IL1RAPL1: variants seen among roughly 807,000 people sequenced by gnomAD.
IL1RAPL1 encodes interleukin 1 receptor accessory protein like 1, also known as interleukin-1 receptor accessory protein-like 1.
In IL1RAPL1, 3 loss-of-function variants were observed where a neutral mutation model predicts 48.4. That is an observed-to-expected ratio of 0.06 (90% CI 0.03 to 0.16). The LOEUF (loss-of-function observed/expected upper bound fraction) is 0.16, where lower values mean the gene tolerates loss of function less well. Among genes scored for constraint, IL1RAPL1 ranks in the 10% least tolerant of loss-of-function variants. The pLI is 1.00. For missense variants in IL1RAPL1, 349 were observed against 530.6 expected (o/e 0.66, Z 3.36); for synonymous variants, 185 against 187.7 (o/e 0.99, Z 0.12).
chrX:29,795,493 C>G (rs1929721773), intron 6 of IL1RAPL1, among the ~76,000 whole-genome samples: 1 of 112,266 alleles, frequency 8.9e-6, no homozygotes, highest in African/African-American at 3.2e-5. Context: ...TCACTGTAGA[C>G]TCAACCTCCT....
intron 5 of IL1RAPL1, among the ~76,000 whole-genome samples, chrX:29,605,071 AACACAC>A (rs757087732): frequency 0.17 from 11,087 of 64,864 alleles, 870 homozygotes; most frequent in South Asian, 0.29. Context: ...CTAAGTCTTA[AACACAC>A]ACACACACAC....
rs766019882 is a variant in IL1RAPL1, at chrX:29,949,728, G to A, written c.1202-4794G>A. ...TTTTGTTTTTCATGGTTATAAAGAT[G>A]TCAGCTTTTCAAAGTTTCACCAGTC... On this transcript the variant is annotated intron_variant, in intron 9 of 10. Coordinates refer to ENST00000378993, the MANE Select transcript of IL1RAPL1 (RefSeq NM_014271.4). 5.4e-5 allele frequency among the ~76,000 whole-genome samples: 6 copies of A among 111,920 alleles called. No homozygotes were observed. The East Asian group carries it at 1.7e-3, about 31-fold the overall frequency.
At chrX:28,874,724 A>T (rs1187352051) in intron 2 of IL1RAPL1, among the ~76,000 whole-genome samples, 1 of 112,381 alleles carries the variant, frequency 8.9e-6, no homozygotes, top group Non-Finnish European at 1.9e-5. Context: ...TTCTCATTTC[A>T]TGCTTTCATT....
intron 2 of IL1RAPL1, among the ~76,000 whole-genome samples, chrX:29,208,529 G>A (rs1157100779): frequency 4.6e-5 from 5 of 108,888 alleles, no homozygotes; most frequent in African/African-American, 1.7e-4. Context: ...GGCTAACACG[G>A]TGAAACTCCA....
intron 5 of IL1RAPL1, among the ~76,000 whole-genome samples, chrX:29,414,360 T>A (rs1441724672): frequency 1.8e-5 from 2 of 112,146 alleles, no homozygotes; most frequent in Non-Finnish European, 3.8e-5. Flanking sequence ...ATCTTATATA[T>A]CTTACCACAC....
chrX:29,107,091 A>G (rs1928463319), intron 2 of IL1RAPL1, among the ~76,000 whole-genome samples: 1 of 112,163 alleles, frequency 8.9e-6, no homozygotes, highest in African/African-American at 3.2e-5. Context: ...TAAGTTCTAA[A>G]TGAATTTTTC....
intron 2 of IL1RAPL1, among the ~76,000 whole-genome samples, chrX:29,257,156 C>T (rs138835041): frequency 0.011 from 1,260 of 111,493 alleles, 8 homozygotes; most frequent in Middle Eastern, 0.023. Context: ...CAAACACATT[C>T]ATTTCATTTT....
At position 29,046,766 on chromosome X, in the gene IL1RAPL1, A is replaced by G. The variant is rs752032434; in HGVS notation, c.83-236172A>G. 8.9e-5 allele frequency among the ~76,000 whole-genome samples: 10 copies of G among 111,998 alleles called. No individual in the cohort carries two copies. The East Asian group carries it at 2.0e-3, about 22-fold the overall frequency. On this transcript the variant is annotated intron_variant, in intron 2 of 10. Transcript: ENST00000378993. ...TCTGGAGCATGGCAATTACAGCATC[A>G]TTGATTTCGATTGTCCTAAAATGGA... is the stretch of plus-strand genomic sequence containing the variant.
intron 8 of IL1RAPL1, among the ~76,000 whole-genome samples, chrX:29,938,196 A>G (rs1233251121): frequency 8.9e-6 from 1 of 111,923 alleles, no homozygotes; most frequent in Admixed American, 9.5e-5. Context: ...AGAAGGACTT[A>G]TTTTCATACA....
intron 3 of IL1RAPL1, among the ~76,000 whole-genome samples, chrX:29,379,212 C>T (rs1933662546): frequency 8.9e-6 from 1 of 112,527 alleles, no homozygotes; most frequent in African/African-American, 3.2e-5. Context: ...AGCAAAGCAT[C>T]CAGGCTGGGC....
intron 2 of IL1RAPL1, among the ~76,000 whole-genome samples, chrX:28,965,413 G>A (rs1335058482): frequency 1.8e-5 from 2 of 111,025 alleles, no homozygotes; most frequent in Non-Finnish European, 3.8e-5. Flanking sequence ...CAACATTAAA[G>A]GTCTGAAAAA....
chrX:29,769,427 GT>G (rs749403144), intron 6 of IL1RAPL1, among the ~76,000 whole-genome samples: 70 of 25,865 alleles, frequency 2.7e-3, no homozygotes, highest in African/African-American at 0.012. Context: ...CTGCCAAACA[GT>G]TTTTTTTTTT....
At chrX:29,467,646 A>G (rs1934878032) in intron 5 of IL1RAPL1, among the ~76,000 whole-genome samples, 1 of 111,756 alleles carries the variant, frequency 8.9e-6, no homozygotes, top group Admixed American at 9.5e-5. Flanking sequence ...TATCTAGTTC[A>G]GTCCTCTCAT....
intron 1 of IL1RAPL1, among the ~76,000 whole-genome samples, chrX:28,727,839 A>G (rs1443250368): frequency 3.6e-5 from 4 of 110,168 alleles, no homozygotes; most frequent in Non-Finnish European, 1.9e-5. Context: ...CAAACGCCGC[A>G]TATTCTCACT....
intron 5 of IL1RAPL1, among the ~76,000 whole-genome samples, chrX:29,661,838 C>T (rs1026030703): frequency 9.0e-6 from 1 of 111,391 alleles, no homozygotes; most frequent in African/African-American, 3.3e-5. Context: ...GTTCTACTTA[C>T]CAAATAGATA....
intron 2 of IL1RAPL1, among the ~76,000 whole-genome samples, chrX:29,147,152 A>G (rs1929367577): frequency 8.9e-6 from 1 of 112,088 alleles, no homozygotes; most frequent in Admixed American, 9.5e-5. Context: ...TGTGGAAGAC[A>G]CATAATGTAA....
intron 2 of IL1RAPL1, among the ~76,000 whole-genome samples, chrX:29,044,416 T>C (rs1186463608): frequency 9.0e-6 from 1 of 110,577 alleles, no homozygotes; most frequent in Non-Finnish European, 1.9e-5. Context: ...GGCAACAGAG[T>C]GAGACTCCGT....
chrX:29,070,798 G>T (rs999505132), intron 2 of IL1RAPL1, among the ~76,000 whole-genome samples: 1 of 111,406 alleles, frequency 9.0e-6, no homozygotes, highest in African/African-American at 3.3e-5. Context: ...AGTAGAAAAT[G>T]GACTATAAAT....
chrX:29,830,470 CAA>C (rs1288473940), intron 6 of IL1RAPL1, among the ~76,000 whole-genome samples: 1 of 97,702 alleles, frequency 1.0e-5, no homozygotes, highest in Non-Finnish European at 2.0e-5. Context: ...TTTTTTGAGA[CAA>C]GAGTTTCATT....
Sources: allele counts gnomAD v4.1 joint callset (sites outside exome capture counted in the v4.1 genomes callset), GRCh38; gene constraint gnomAD v4.1.1; transcripts MANE v1.5; gene names NCBI Gene and HGNC (gene_info 2026-07-23, HGNC 2026-07-21).